UNC13C: variants seen among roughly 807,000 people sequenced by gnomAD.
UNC13C encodes the protein protein unc-13 homolog C.
In UNC13C, 174 loss-of-function variants were observed where a neutral mutation model predicts 245.4. The observed-to-expected ratio is 0.71, with a 90% confidence interval of 0.63 to 0.80. The LOEUF is 0.80. UNC13C is among the 30% of genes least tolerant of loss of function. The pLI, the probability that UNC13C is intolerant of heterozygous loss-of-function variation, is 0.00. For synonymous variants in UNC13C, 992 were observed against 895.1 expected, an observed-to-expected ratio of 1.11 and a Z score of -1.93; for missense variants, 2,829 against 2,602.9, an observed-to-expected ratio of 1.09 and a Z score of -1.89.
At chr15:54,236,282 T>C (rs1164729393) in intron 5 of UNC13C, 148 bp from the exon 6 acceptor site, 13 of 621,090 alleles carry the variant, frequency 2.1e-5, no homozygotes, top group South Asian at 1.8e-4. Context: ...AAGTATAACA[T>C]GTCAGTACAT....
intron 19 of UNC13C, among the ~76,000 whole-genome samples, chr15:54,427,143 T>G (rs1313303037): frequency 6.6e-6 from 1 of 151,686 alleles, no homozygotes; most frequent in African/African-American, 2.4e-5. Flanking sequence ...CTATTGAAAA[T>G]GTATATGATA....
chr15:54,271,373 ATAAT>A (rs1322812142), intron 10 of UNC13C, among the ~76,000 whole-genome samples: 1 of 152,204 alleles, frequency 6.6e-6, no homozygotes. Context: ...TGATCATTTC[ATAAT>A]TAATTATGAC....
At chr15:53,944,243 G>T in the UNC13C span, among the ~76,000 whole-genome samples, 36 of 151,964 alleles carry the variant, frequency 2.4e-4, no homozygotes, top group African/African-American at 8.7e-4. Context: ...ATTTAATTTG[G>T]CTCTTTTTTT....
chr15:54,586,217 A>C (rs1242641663), intron 30 of UNC13C, among the ~76,000 whole-genome samples: 1 of 152,224 alleles, frequency 6.6e-6, no homozygotes, highest in Admixed American at 6.5e-5. Context: ...CCCTAAGAAA[A>C]GGATGTTTCT....
intron 19 of UNC13C, among the ~76,000 whole-genome samples, chr15:54,454,161 C>G (rs1298079934): frequency 1.3e-5 from 2 of 151,588 alleles, no homozygotes; most frequent in African/African-American, 4.9e-5. Flanking sequence ...ACCATTTTAA[C>G]CATTAATATG....
chr15:53,894,545 T>C, the UNC13C span, among the ~76,000 whole-genome samples: 1 of 152,186 alleles, frequency 6.6e-6, no homozygotes, highest in Non-Finnish European at 1.5e-5. Context: ...GCTGGCACAG[T>C]CACTTTCCCC....
the UNC13C span, among the ~76,000 whole-genome samples, chr15:53,877,073 G>A: frequency 1.3e-5 from 2 of 152,118 alleles, no homozygotes; most frequent in Non-Finnish European, 2.9e-5. Flanking sequence ...GTTGGGTTTT[G>A]GTGAACTTCC....
chr15:53,973,910 A>G (rs1893617699), upstream of UNC13C, among the ~76,000 whole-genome samples: 1 of 152,196 alleles, frequency 6.6e-6, no homozygotes, highest in African/African-American at 2.4e-5. Flanking sequence ...TCAAAAAATT[A>G]CAGATTGTGC....
intron 29 of UNC13C, among the ~76,000 whole-genome samples, chr15:54,565,241 G>T (rs1232791935): frequency 1.3e-5 from 2 of 151,954 alleles, no homozygotes; most frequent in East Asian, 3.9e-4. Flanking sequence ...TTTCCTACTA[G>T]ATCATAATCC....
intron 18 of UNC13C, among the ~76,000 whole-genome samples, chr15:54,394,957 A>G (rs903874676): frequency 2.0e-5 from 3 of 151,940 alleles, no homozygotes; most frequent in Admixed American, 6.6e-5. Context: ...CCTACCAAGT[A>G]TAAAAATTAG....
At chr15:54,447,945 A>G (rs543229888) in intron 19 of UNC13C, among the ~76,000 whole-genome samples, 29 of 152,200 alleles carry the variant, frequency 1.9e-4, no homozygotes, top group African/African-American at 6.7e-4. Flanking sequence ...ACTGCTTTAT[A>G]TGTGTCCCAG....
the UNC13C span, among the ~76,000 whole-genome samples, chr15:53,959,992 A>C: frequency 6.6e-6 from 1 of 152,170 alleles, no homozygotes; most frequent in Non-Finnish European, 1.5e-5. Flanking sequence ...TGGGATAAGC[A>C]TTACTTTTCC....
chr15:54,562,473 C>T (rs572291376), intron 29 of UNC13C, among the ~76,000 whole-genome samples: 24 of 152,002 alleles, frequency 1.6e-4, no homozygotes, highest in Non-Finnish European at 3.1e-4. Context: ...ACTCTTGCCA[C>T]GTCATCTACA....
chr15:54,155,228 A>C (rs2032691901), intron 4 of UNC13C, among the ~76,000 whole-genome samples: 1 of 152,168 alleles, frequency 6.6e-6, no homozygotes. Context: ...CTCTTTGGCT[A>C]TTCTGGAGCG....
intron 32 of UNC13C, among the ~76,000 whole-genome samples, chr15:54,625,792 T>C (rs1193324740): frequency 6.6e-6 from 1 of 152,168 alleles, no homozygotes; most frequent in Non-Finnish European, 1.5e-5. Context: ...AACATTTCAC[T>C]ATCTACTTCA....
At chr15:54,088,125 T>C (rs769000911) in intron 2 of UNC13C, among the ~76,000 whole-genome samples, 4 of 151,860 alleles carry the variant, frequency 2.6e-5, no homozygotes, top group Non-Finnish European at 5.9e-5. Context: ...CCTATATTTT[T>C]TGTATCAACT....
At chr15:54,000,221 A>C (rs1894822149) in intron 1 of UNC13C, among the ~76,000 whole-genome samples, 1 of 152,136 alleles carries the variant, frequency 6.6e-6, no homozygotes, top group South Asian at 2.1e-4. Context: ...AGAGTCAAGA[A>C]CAGCATCGGG....
intron 19 of UNC13C, among the ~76,000 whole-genome samples, chr15:54,451,788 C>T (rs1596398744): frequency 6.6e-6 from 1 of 152,148 alleles, no homozygotes; most frequent in South Asian, 2.1e-4. Context: ...TATGTAGCTG[C>T]AGAATTATTG....
rs1375680925 is a variant in UNC13C at position 54,621,783 on chromosome 15, T to C, written c.6107-544T>C. On this transcript the variant is annotated intron_variant, in intron 30 of 32. Coordinates refer to ENST00000260323, the MANE Select transcript of UNC13C (RefSeq NM_001080534.3). ...CAGGCCCTTTCCAACACAATAAGTT[T>C]AACCCCTGACTAATCTTTTCCAGGA... is the stretch of plus-strand genomic sequence containing the variant. Among the ~76,000 whole-genome samples the C allele has an allele frequency of 2.0e-5, 3 of 152,200 alleles. No homozygotes were observed. In the East Asian group the frequency reaches 5.8e-4, roughly 29 times the overall value.
Sources: gnomAD v4.1 joint callset for allele counts (sites outside exome capture counted in the v4.1 genomes callset) on GRCh38, gnomAD v4.1.1 for gene constraint, MANE v1.5 for transcripts, NCBI Gene and HGNC (gene_info 2026-07-23, HGNC 2026-07-21) for gene names.